Variants in ALK observed in about 807,000 individuals in gnomAD.
The protein encoded by ALK is ALK receptor tyrosine kinase.
ALK carries 74 observed loss-of-function variants against 163.1 expected under a neutral mutation model. The observed-to-expected ratio is 0.45, with a 90% CI of 0.38 to 0.55. The LOEUF (loss-of-function observed/expected upper bound fraction) is 0.55. ALK is among the 20% of genes least tolerant of loss of function. ALK has a pLI of 0.00. For synonymous variants in ALK, 960 were observed against 843.2 expected (o/e 1.14, Z -2.40); for missense variants, 2,063 against 2,105.3 (o/e 0.98, Z 0.39).
intron 1 of ALK, among the ~76,000 whole-genome samples, chr2:29,727,798 A>C (rs968434342): frequency 3.9e-5 from 6 of 152,136 alleles, no homozygotes; most frequent in African/African-American, 1.2e-4. Context: ...GCTTCCATTC[A>C]TCTTGCATTG....
At chr2:29,488,133 C>A (rs926205941) in intron 4 of ALK, among the ~76,000 whole-genome samples, 1 of 152,116 alleles carries the variant, frequency 6.6e-6, no homozygotes, top group Non-Finnish European at 1.5e-5. Context: ...TTCTAGGTAA[C>A]CCCAGAACAG....
intron 1 of ALK, among the ~76,000 whole-genome samples, chr2:29,827,587 C>A (rs1336355208): frequency 1.3e-5 from 2 of 152,186 alleles, no homozygotes; most frequent in Non-Finnish European, 2.9e-5. Context: ...GGCTCAAACC[C>A]TATGTGAGGT....
rs999950252 is a variant in ALK at position 29,920,474 on chromosome 2, C to A, written c.186G>T (p.Ser62=). 10 of 1,612,908 alleles carry A rather than the reference C, an allele frequency of 6.2e-6. No individual in the cohort carries two copies. The highest frequency in any genetic ancestry group is 8.5e-6 in the Non-Finnish European group (10 of 1,179,604). The change falls in exon 1 of 29, where the codon TCG becomes TCT. Residue 62 remains serine, a synonymous_variant. Coordinates refer to ENST00000389048, the MANE Select transcript of ALK (RefSeq NM_004304.5). The part of the protein sequence containing the change: ...KSLAVDFVVP[S]LFRVYARDLL... ...GGTCCCGGGCGTAGACACGGAAGAG[C>A]GAGGGCACCACGAAGTCAACTGCCA... is the stretch of plus-strand genomic sequence containing the variant.
At chr2:29,407,070 G>A (rs748120731) in intron 4 of ALK, among the ~76,000 whole-genome samples, 13 of 152,072 alleles carry the variant, frequency 8.5e-5, no homozygotes, top group African/African-American at 1.7e-4. Flanking sequence ...CATGAAGTCC[G>A]CGTGCTGCAT....
intron 4 of ALK, among the ~76,000 whole-genome samples, chr2:29,465,224 C>T (rs1671181021): frequency 6.6e-6 from 1 of 152,028 alleles, no homozygotes; most frequent in South Asian, 2.1e-4. Flanking sequence ...ATAAGAATGG[C>T]AGCAGACTCA....
chr2:29,377,405 G>T (rs1668781930), intron 5 of ALK, among the ~76,000 whole-genome samples: 1 of 151,298 alleles, frequency 6.6e-6, no homozygotes, highest in Non-Finnish European at 1.5e-5. Context: ...AACCCAGGAG[G>T]TGGAGGTTGC....
chr2:29,308,975 A>C (rs1666621726), intron 8 of ALK, among the ~76,000 whole-genome samples: 1 of 151,950 alleles, frequency 6.6e-6, no homozygotes, highest in Non-Finnish European at 1.5e-5. Flanking sequence ...GGGAAGAAAA[A>C]GATGGTATTT....
chr2:29,762,816 C>T (rs1340717965), intron 1 of ALK, among the ~76,000 whole-genome samples: 1 of 152,142 alleles, frequency 6.6e-6, no homozygotes, highest in Non-Finnish European at 1.5e-5. Flanking sequence ...TGGCTGGGCG[C>T]AGTGGCTCAC....
At chr2:29,403,201 C>T (rs1443392182) in intron 4 of ALK, among the ~76,000 whole-genome samples, 1 of 152,200 alleles carries the variant, frequency 6.6e-6, no homozygotes, top group East Asian at 1.9e-4. Flanking sequence ...CTGCCACCCT[C>T]TCAGTCACGC....
chr2:29,520,456 C>A (rs1208532344), intron 4 of ALK, among the ~76,000 whole-genome samples: 1 of 152,090 alleles, frequency 6.6e-6, no homozygotes, highest in African/African-American at 2.4e-5. Flanking sequence ...AATGCCCATC[C>A]CTATTCTTGG....
At chr2:29,516,154 T>A (rs1292955089) in intron 4 of ALK, among the ~76,000 whole-genome samples, 1 of 152,182 alleles carries the variant, frequency 6.6e-6, no homozygotes. Flanking sequence ...AAGAATACAT[T>A]ATGTACATGT....
intron 9 of ALK, among the ~76,000 whole-genome samples, chr2:29,276,429 G>T (rs534122136): frequency 6.6e-6 from 1 of 152,276 alleles, no homozygotes; most frequent in Non-Finnish European, 1.5e-5. Flanking sequence ...CCCATGGAAG[G>T]CTAGCAGAGT....
intron 11 of ALK, among the ~76,000 whole-genome samples, chr2:29,265,146 A>G (rs1466523919): frequency 6.6e-6 from 1 of 152,086 alleles, no homozygotes; most frequent in East Asian, 1.9e-4. Context: ...TGGCCTCTCA[A>G]GTAGCTGAGA....
Position 29,809,549 on chromosome 2 carries a change from T to A in ALK, c.668-91852A>T, listed in dbSNP as rs141045596. On this transcript the variant is annotated intron_variant, in intron 1 of 28. Transcript: ENST00000389048. ...TACTACTTTTATCTCCGTGAGGGAG[T>A]TTGGTTTAAGGATAGGAGGGGGGCT... 7.9e-5 allele frequency among the ~76,000 whole-genome samples: 12 copies of A among 152,192 alleles called. No individual in the cohort carries two copies. In the East Asian group the frequency reaches 2.3e-3, roughly 29 times the overall value.
chr2:29,518,504 A>G (rs1035108417), intron 4 of ALK, among the ~76,000 whole-genome samples: 8 of 152,246 alleles, frequency 5.3e-5, no homozygotes, highest in Non-Finnish European at 7.3e-5. Flanking sequence ...GAAATGCTAC[A>G]GCAGCTTTCA....
chr2:29,853,917 T>TC (rs915583148), intron 1 of ALK, among the ~76,000 whole-genome samples: 18 of 150,632 alleles, frequency 1.2e-4, no homozygotes, highest in African/African-American at 4.4e-4. Flanking sequence ...TCTTTTCTTT[T>TC]TTTTTTTCCT....
chr2:29,350,749 A>T (rs988599614), intron 5 of ALK, among the ~76,000 whole-genome samples: 1 of 152,162 alleles, frequency 6.6e-6, no homozygotes, highest in Non-Finnish European at 1.5e-5. Flanking sequence ...CAACCCTGTG[A>T]GTAGGTATTA....
chr2:29,597,158 A>G (rs1675239148), intron 3 of ALK, among the ~76,000 whole-genome samples: 1 of 152,244 alleles, frequency 6.6e-6, no homozygotes, highest in Non-Finnish European at 1.5e-5. Flanking sequence ...TACCTGGGAA[A>G]TATGAGCCTA....
chr2:29,630,307 T>C (rs1052657178), intron 3 of ALK, among the ~76,000 whole-genome samples: 10 of 152,118 alleles, frequency 6.6e-5, no homozygotes, highest in Non-Finnish European at 1.3e-4. Flanking sequence ...AGTAAAGAAA[T>C]AGCTAAAAGG....
Sources: gnomAD v4.1 joint callset for allele counts (sites outside exome capture counted in the v4.1 genomes callset) on GRCh38, gnomAD v4.1.1 for gene constraint, MANE v1.5 for transcripts, NCBI Gene and HGNC (gene_info 2026-07-23, HGNC 2026-07-21) for gene names.